Variants in PAX7 observed in about 807,000 individuals in gnomAD.
The protein encoded by PAX7 is paired box 7.
PAX7 carries 18 observed loss-of-function variants against 50.7 expected under a neutral mutation model. The observed-to-expected ratio is 0.36, with a 90% CI of 0.25 to 0.53. The LOEUF is 0.53. PAX7 is among the 20% of genes least tolerant of loss of function. The pLI, the probability that PAX7 is intolerant of heterozygous loss-of-function variation, is 0.93. For missense variants in PAX7, 644 were observed against 702.9 expected, an observed-to-expected ratio of 0.92 and a Z score of 0.95; for synonymous variants, 310 against 290.4, an observed-to-expected ratio of 1.07 and a Z score of -0.69.
intron 4 of PAX7, among the ~76,000 whole-genome samples, chr1:18,637,486 A>G (rs978159288): frequency 1.1e-4 from 17 of 152,168 alleles, no homozygotes; most frequent in Admixed American, 9.8e-4. Flanking sequence ...GCTTTGGAAA[A>G]AGTGGCGAGT....
At chr1:18,673,153 G>A (rs2088777119) in intron 4 of PAX7, among the ~76,000 whole-genome samples, 1 of 152,172 alleles carries the variant, frequency 6.6e-6, no homozygotes, top group African/African-American at 2.4e-5. Flanking sequence ...ATATAGCTGT[G>A]TGACCTTGGA....
At chr1:18,649,626 C>A (rs1218309614) in intron 4 of PAX7, among the ~76,000 whole-genome samples, 1 of 152,138 alleles carries the variant, frequency 6.6e-6, no homozygotes, top group Non-Finnish European at 1.5e-5. Flanking sequence ...ATCACCCACA[C>A]TCCCAGCACC....
chr1:18,687,349 G>A (rs2088992062), intron 4 of PAX7, among the ~76,000 whole-genome samples: 1 of 152,144 alleles, frequency 6.6e-6, no homozygotes, highest in African/African-American at 2.4e-5. Flanking sequence ...GAGCCCACAA[G>A]CCAGGTCTCA....
intron 7 of PAX7, 88 bp downstream of exon 7, chr1:18,703,384 T>C: frequency 8.3e-7 from 1 of 1,211,766 alleles, no homozygotes; most frequent in South Asian, 1.2e-5. Flanking sequence ...CCTTGCGCTC[T>C]TTCCTGTAGC....
Position 18,667,388 on chromosome 1 carries a change from GAGAA to G in PAX7, c.587-24363_587-24360del, listed in dbSNP as rs773142038. On this transcript the variant is annotated intron_variant, in intron 4 of 8. Coordinates refer to ENST00000420770, the MANE Select transcript of PAX7 (RefSeq NM_001135254.2). ...AGGAAAAAAGAAGGAGAGAAGGAAG[GAGAA>G]AGGAAGGAAGGAAGGAAGGAAGGAA... Among the ~76,000 whole-genome samples, 461 of 115,666 alleles carry G rather than the reference GAGAA, an allele frequency of 4.0e-3. 4 individuals carry two copies. The highest frequency in any genetic ancestry group is 0.014 in the African/African-American group (416 of 29,978). The allele number at this position is 115,666 out of a possible 152,430, so 75.9% of individuals were successfully genotyped here.
At chr1:18,678,202 G>T (rs2100259558) in intron 4 of PAX7, among the ~76,000 whole-genome samples, 1 of 152,146 alleles carries the variant, frequency 6.6e-6, no homozygotes, top group African/African-American at 2.4e-5. Context: ...ACCTGAGGTT[G>T]GGAATTCGTG....
intron 5 of PAX7, among the ~76,000 whole-genome samples, chr1:18,694,138 A>G (rs2089117492): frequency 6.6e-6 from 1 of 152,182 alleles, no homozygotes; most frequent in South Asian, 2.1e-4. Flanking sequence ...GCTTTCTCAG[A>G]GAAGAGGGAA....
rs1183534964 is a variant in PAX7 at position 18,746,851 on chromosome 1, A to T, written c.*1922A>T. On this transcript the variant is annotated 3_prime_UTR_variant, in exon 9 of 9. Transcript: ENST00000420770. ...GATATCAAGCCTGTTCTGGACCATG[A>T]CCAGGCTGGCTCATATCTCTGGTTT... 1 of 231,530 alleles carries T rather than the reference A, an allele frequency of 4.3e-6. No individual in the cohort carries two copies. The highest frequency in any genetic ancestry group is 8.5e-6 in the Non-Finnish European group (1 of 117,022). The allele number at this position is 231,530 out of a possible 1,614,324, so 14.3% of individuals were successfully genotyped here.
intron 5 of PAX7, among the ~76,000 whole-genome samples, chr1:18,692,595 A>G (rs2089089162): frequency 6.6e-6 from 1 of 152,214 alleles, no homozygotes; most frequent in African/African-American, 2.4e-5. Context: ...TTCAGCCAGA[A>G]GAGAGGGTTT....
rs1255015258 is a variant in PAX7, at chr1:18,636,186, C to T, written c.452-51C>T. The T allele has an allele frequency of 6.3e-7, 1 of 1,590,828 alleles. No homozygotes were observed. The highest frequency in any genetic ancestry group is 8.6e-7 in the Non-Finnish European group (1 of 1,165,492). Reference sequence around the variant, plus strand: ...TCCCAGGGGCCCAGGCCACCGCTCGCTCCTCTGCTCCAACAACTTATACTT... The same window carrying T: ...TCCCAGGGGCCCAGGCCACCGCTCGTTCCTCTGCTCCAACAACTTATACTT... On this transcript the variant is annotated intron_variant, in intron 3 of 8. Transcript: ENST00000420770. The surrounding 1 kb of genome is among the most constrained non-coding windows in gnomAD (Gnocchi z 5.1).
At chr1:18,719,709 A>G (rs2089470549) in intron 7 of PAX7, among the ~76,000 whole-genome samples, 1 of 152,200 alleles carries the variant, frequency 6.6e-6, no homozygotes, top group Admixed American at 6.5e-5. Flanking sequence ...CTGGAACTCC[A>G]TAGCATCCTT....
At chr1:18,738,188 A>G (rs911862744) in intron 8 of PAX7, among the ~76,000 whole-genome samples, 2 of 152,064 alleles carry the variant, frequency 1.3e-5, no homozygotes, top group Non-Finnish European at 2.9e-5. Context: ...CTGCATGTAT[A>G]TTTGAGAGCA....
At chr1:18,661,717 A>G (rs987914346) in intron 4 of PAX7, among the ~76,000 whole-genome samples, 3 of 152,236 alleles carry the variant, frequency 2.0e-5, no homozygotes, top group African/African-American at 7.2e-5. Flanking sequence ...GCTGCAGCAC[A>G]CAAGAGCCTG....
At chr1:18,639,106 G>GT (rs1352167017) in intron 4 of PAX7, among the ~76,000 whole-genome samples, 1 of 152,136 alleles carries the variant, frequency 6.6e-6, no homozygotes, top group African/African-American at 2.4e-5. Context: ...CCCTGAGTCC[G>GT]TTTTTTCCTA....
At chr1:18,719,199 G>A (rs112906294) in intron 7 of PAX7, among the ~76,000 whole-genome samples, 2,930 of 152,334 alleles carry the variant, frequency 0.019, 90 homozygotes, top group African/African-American at 0.066. Flanking sequence ...AGCACGTGGG[G>A]TCATTCATGC....
chr1:18,652,261 G>A (rs745477629), intron 4 of PAX7, among the ~76,000 whole-genome samples: 2 of 148,104 alleles, frequency 1.4e-5, no homozygotes, highest in Non-Finnish European at 3.0e-5. Context: ...CCCCCCCATT[G>A]CCCCAGGAAG....
At position 18,746,019 on chromosome 1, in the gene PAX7, C is replaced by G. The variant is rs1194878790; in HGVS notation, c.*1090C>G. ...CGCAGAGGCCCGAGCCCATCCTTAC[C>G]ATGCCCCATCCTCTAGGAAGAGGTC... On this transcript the variant is annotated 3_prime_UTR_variant, in exon 9 of 9. Coordinates refer to ENST00000420770, the MANE Select transcript of PAX7 (RefSeq NM_001135254.2). The G allele has an allele frequency of 8.7e-6, 2 of 231,074 alleles. No homozygotes were observed. The highest frequency in any genetic ancestry group is 5.6e-5 in the Admixed American group (1 of 17,716). 14.3% of individuals were successfully genotyped at this position (231,074 alleles called of 1,614,324 possible).
At chr1:18,717,036 TCCG>T (rs943235434) in intron 7 of PAX7, among the ~76,000 whole-genome samples, 2 of 149,334 alleles carry the variant, frequency 1.3e-5, no homozygotes, top group Non-Finnish European at 1.5e-5. Context: ...CTCCCCGCGC[TCCG>T]CCGCCGCCGC....
At chr1:18,694,325 A>G (rs12750926) in intron 5 of PAX7, among the ~76,000 whole-genome samples, 30,482 of 151,650 alleles carry the variant, frequency 0.2, 3,161 homozygotes, top group East Asian at 0.34. Flanking sequence ...CGGGCATGCT[A>G]GCGCATGCCT....
Sources: allele counts gnomAD v4.1 joint callset (sites outside exome capture counted in the v4.1 genomes callset), GRCh38; gene constraint gnomAD v4.1.1; non-coding constraint Gnocchi (gnomAD v3.1); transcripts MANE v1.5; gene names NCBI Gene and HGNC (gene_info 2026-07-23, HGNC 2026-07-21).